The following AK7 variants were observed in gnomAD, a reference collection of about 807,000 sequenced individuals.
AK7 encodes ATP-AMP transphosphorylase 7.
A neutral mutation model predicts 96.6 loss-of-function variants in AK7; 78 were observed. That is an observed-to-expected ratio of 0.81 (90% CI 0.67 to 0.97). The LOEUF (loss-of-function observed/expected upper bound fraction) is 0.97, where lower values mean the gene tolerates loss of function less well. Ranked by LOEUF, AK7 falls within the 50% of genes least tolerant of loss-of-function variation. The pLI is 0.00. For synonymous variants in AK7, 302 were observed against 317.2 expected (o/e 0.95, Z 0.51); for missense variants, 855 against 887.9 (o/e 0.96, Z 0.47).
intron 3 of AK7, among the ~76,000 whole-genome samples, chr14:96,406,780 C>T (rs935656475): frequency 6.6e-6 from 1 of 151,926 alleles, no homozygotes; most frequent in Non-Finnish European, 1.5e-5. Context: ...AAACTCCTGG[C>T]CTCAAGCAAT....
rs552681727 is a variant in AK7 at position 96,392,448 on chromosome 14, T to G, written c.105+189T>G. On this transcript the variant is annotated intron_variant, in intron 1 of 17. Transcript: ENST00000267584. Reference sequence around the variant, plus strand: ...GTCCGCACCCAGGCTGGTCAAGAGATTCTACATGGAAGCTCAGGTGTCTGG... The same window carrying G: ...GTCCGCACCCAGGCTGGTCAAGAGAGTCTACATGGAAGCTCAGGTGTCTGG... Among the ~76,000 whole-genome samples the G allele has an allele frequency of 1.5e-4, 23 of 152,218 alleles. No homozygotes were observed. In the South Asian group the frequency reaches 3.7e-3, roughly 25 times the overall value.
chr14:96,442,464 T>G (rs1040370135), intron 6 of AK7, among the ~76,000 whole-genome samples: 4 of 152,304 alleles, frequency 2.6e-5, no homozygotes, highest in Non-Finnish European at 4.4e-5. Context: ...ACACATTATT[T>G]CTCTTGGCAG....
rs538983173 is a variant in AK7 at position 96,395,659 on chromosome 14, C to T, written c.106-2416C>T. 3.0e-5 allele frequency among the ~76,000 whole-genome samples: 4 copies of T among 134,472 alleles called. No homozygotes were observed. In the South Asian group the frequency reaches 9.6e-4, roughly 32 times the overall value. The allele number at this position is 134,472 out of a possible 152,430, so 88.2% of individuals were successfully genotyped here. Reference sequence around the variant, plus strand: ...GTTTGAGGCTACAGTGAGCTGTGATCGCATCACTGCATTCCAGCCTGGGAG... The same window carrying T: ...GTTTGAGGCTACAGTGAGCTGTGATTGCATCACTGCATTCCAGCCTGGGAG... On this transcript the variant is annotated intron_variant, in intron 1 of 17. Transcript: ENST00000267584.
intron 3 of AK7, among the ~76,000 whole-genome samples, chr14:96,408,534 G>A (rs1354514937): frequency 6.6e-6 from 1 of 152,244 alleles, no homozygotes; most frequent in Non-Finnish European, 1.5e-5. Context: ...ACAGAAAGGG[G>A]CCACAATTCT....
At chr14:96,406,316 T>A (rs944200959) in intron 3 of AK7, among the ~76,000 whole-genome samples, 2 of 152,192 alleles carry the variant, frequency 1.3e-5, no homozygotes, top group African/African-American at 4.8e-5. Flanking sequence ...AGATGGGCAT[T>A]GGCCTTTCTT....
chr14:96,413,301 C>G (rs1891148491), intron 4 of AK7, among the ~76,000 whole-genome samples: 2 of 152,230 alleles, frequency 1.3e-5, no homozygotes, highest in Admixed American at 6.5e-5. Flanking sequence ...CAGAGCCACT[C>G]TCTGCTCTTC....
intron 5 of AK7, chr14:96,424,031 G>A: frequency 2.6e-6 from 2 of 755,804 alleles, no homozygotes; most frequent in East Asian, 2.7e-5. Context: ...CAGGTGTAGA[G>A]TTTCCCTAAA....
At chr14:96,478,753 G>T (rs1351003393) in intron 15 of AK7, 91 bp downstream of exon 15, 7 of 1,299,234 alleles carry the variant, frequency 5.4e-6, no homozygotes, top group Non-Finnish European at 7.5e-6. Context: ...CTGGGGGGAG[G>T]GTGGGGAGTG....
intron 5 of AK7, among the ~76,000 whole-genome samples, chr14:96,429,364 G>A (rs968112625): frequency 2.0e-5 from 3 of 152,166 alleles, no homozygotes; most frequent in Admixed American, 6.6e-5. Context: ...GGTTACTGTA[G>A]CCTCATAGTA....
chr14:96,452,185 G>T (rs537440710), intron 10 of AK7, among the ~76,000 whole-genome samples: 2 of 152,292 alleles, frequency 1.3e-5, no homozygotes, highest in South Asian at 4.1e-4. Context: ...TTTGAAATAT[G>T]TAGACATTGT....
At chr14:96,474,047 T>C (rs1895047314) in intron 14 of AK7, among the ~76,000 whole-genome samples, 2 of 151,554 alleles carry the variant, frequency 1.3e-5, no homozygotes, top group Admixed American at 6.6e-5. Flanking sequence ...CGTTAAAAAG[T>C]GTTGTTGTTT....
intron 12 of AK7, 80 bp downstream of exon 12, chr14:96,458,292 T>TAA: frequency 2.2e-6 from 3 of 1,384,734 alleles, no homozygotes; most frequent in South Asian, 1.5e-5. Flanking sequence ...AAAGACTGTT[T>TAA]AAAAAAAAAA....
chr14:96,440,999 C>CA (rs1284260404), intron 6 of AK7, among the ~76,000 whole-genome samples: 1 of 151,226 alleles, frequency 6.6e-6, no homozygotes, highest in African/African-American at 2.4e-5. Flanking sequence ...CCTGCATCTG[C>CA]AAAAAATAAA....
chr14:96,455,869 G>A (rs1893869645), intron 10 of AK7, among the ~76,000 whole-genome samples: 2 of 152,132 alleles, frequency 1.3e-5, no homozygotes, highest in African/African-American at 2.4e-5. Flanking sequence ...TGGTGGTGGT[G>A]GGGGTAGAGG....
chr14:96,454,002 C>T (rs754544145), intron 10 of AK7, among the ~76,000 whole-genome samples: 5 of 152,102 alleles, frequency 3.3e-5, no homozygotes, highest in African/African-American at 4.8e-5. Context: ...CCCTATCTGA[C>T]GGGGCCGCAC....
At chr14:96,447,973 A>G (rs573790567) in intron 8 of AK7, among the ~76,000 whole-genome samples, 2 of 152,040 alleles carry the variant, frequency 1.3e-5, no homozygotes, top group South Asian at 2.1e-4. Flanking sequence ...AAAAAAAAAT[A>G]TACAGAAATT....
At chr14:96,441,077 T>C (rs1264215199) in intron 6 of AK7, among the ~76,000 whole-genome samples, 2 of 151,952 alleles carry the variant, frequency 1.3e-5, no homozygotes, top group African/African-American at 4.8e-5. Context: ...CTGTTCGACA[T>C]GAGGGAAGGG....
chr14:96,446,587 A>G lies in AK7; in HGVS notation c.850A>G (p.Thr284Ala). ...YLVAVDESVHTLEDIVKCISK... is the reference protein window; with the variant it reads ...YLVAVDESVHALEDIVKCISK... ...GGTTGCTGTGGATGAGTCTGTTCAT[A>G]CCCTGGAAGACATAGTCAAGGTACA... The change falls in exon 8 of 18, where the codon ACC becomes GCC. Residue 284 changes from threonine (T) to alanine (A), a missense_variant. Coordinates refer to ENST00000267584, the MANE Select transcript of AK7 (RefSeq NM_152327.5). The G allele has an allele frequency of 6.2e-7, 1 of 1,614,008 alleles. No individual in the cohort carries two copies. Among genetic ancestry groups the G allele is most frequent in the South Asian group, 1.1e-5 (1 of 91,078 alleles).
At chr14:96,409,973 G>T (rs996065840) in intron 4 of AK7, among the ~76,000 whole-genome samples, 1 of 152,184 alleles carries the variant, frequency 6.6e-6, no homozygotes, top group Non-Finnish European at 1.5e-5. Flanking sequence ...CATTGCCAGC[G>T]ATTCCTGGCT....
Sources: gnomAD v4.1 joint callset for allele counts (sites outside exome capture counted in the v4.1 genomes callset) on GRCh38, gnomAD v4.1.1 for gene constraint, MANE v1.5 for transcripts, NCBI Gene and HGNC (gene_info 2026-07-23, HGNC 2026-07-21) for gene names.